Variants in PLPP1 observed in about 807,000 individuals in gnomAD.
PLPP1 encodes the protein phospholipid phosphatase 1.
A neutral mutation model predicts 31.2 loss-of-function variants in PLPP1; 24 were observed. That is an observed-to-expected ratio of 0.77 (90% CI 0.56 to 1.08). The LOEUF (loss-of-function observed/expected upper bound fraction) is 1.08, where lower values mean the gene tolerates loss of function less well. Ranked by LOEUF, PLPP1 falls within the 50% of genes least tolerant of loss-of-function variation. PLPP1 has a pLI of 0.00. For missense variants in PLPP1, 319 were observed against 342.7 expected (o/e 0.93, Z 0.55); for synonymous variants, 146 against 126.3 (o/e 1.16, Z -1.05).
At chr5:55,519,488 C>T (rs1753618691) in intron 1 of PLPP1, among the ~76,000 whole-genome samples, 1 of 152,126 alleles carries the variant, frequency 6.6e-6, no homozygotes, top group Non-Finnish European at 1.5e-5. Context: ...GTGGCTCACA[C>T]CTGTAATCCC....
At chr5:55,456,742 T>C (rs1752022294) in intron 3 of PLPP1, among the ~76,000 whole-genome samples, 1 of 152,260 alleles carries the variant, frequency 6.6e-6, no homozygotes, top group Non-Finnish European at 1.5e-5. Flanking sequence ...TGACTCATTC[T>C]GGAAAGACAG....
chr5:55,492,529 C>T (rs1011053608), intron 1 of PLPP1, among the ~76,000 whole-genome samples: 2 of 152,008 alleles, frequency 1.3e-5, no homozygotes, highest in Admixed American at 1.3e-4. Flanking sequence ...AAAGAAGAGG[C>T]AACTGAGTTG....
chr5:55,505,115 G>C lies in PLPP1; in HGVS notation c.58+29457C>G, dbSNP rs573927096. Among the ~76,000 whole-genome samples, 177 of 152,110 alleles carry C rather than the reference G, an allele frequency of 1.2e-3. 2 individuals are homozygous for C. Among genetic ancestry groups the C allele is most frequent in the African/African-American group, 4.0e-3 (168 of 41,504 alleles). ...TGTGAGCCATCCTCTCTAAATTCTA[G>C]AGAAAGAATTTGGAAGGGCTAAATT... On this transcript the variant is annotated intron_variant, in intron 1 of 5. Transcript: ENST00000307259.
At chr5:55,530,229 A>G (rs1484007471) in intron 1 of PLPP1, 2 of 1,435,824 alleles carry the variant, frequency 1.4e-6, no homozygotes, top group Non-Finnish European at 9.8e-7. Flanking sequence ...AAGATTCACA[A>G]ATTCTCCATA....
intron 3 of PLPP1, among the ~76,000 whole-genome samples, chr5:55,451,146 GCAGTAGCT>G (rs1284269182): frequency 2.6e-5 from 4 of 152,178 alleles, no homozygotes; most frequent in African/African-American, 9.6e-5. Flanking sequence ...CTTAGCTGGT[GCAGTAGCT>G]CACGCCTGTA....
chr5:55,514,282 G>T (rs188668314), intron 1 of PLPP1, among the ~76,000 whole-genome samples: 1 of 151,984 alleles, frequency 6.6e-6, no homozygotes, highest in African/African-American at 2.4e-5. Flanking sequence ...CTACTCAGGA[G>T]GCTGAGGTGG....
chr5:55,426,491 T>A (rs1751199420), intron 4 of PLPP1, among the ~76,000 whole-genome samples: 2 of 151,218 alleles, frequency 1.3e-5, no homozygotes, highest in South Asian at 4.2e-4. Context: ...AGCCTCAAAC[T>A]CCTGGGCTCA....
intron 1 of PLPP1, 125 bp from the exon 2 acceptor site, chr5:55,475,575 T>C (rs770537291): frequency 3.4e-6 from 3 of 872,200 alleles, no homozygotes; most frequent in Non-Finnish European, 3.3e-6. Context: ...AGAGCACATG[T>C]AAAAAAGGAA....
At chr5:55,521,526 C>G (rs1385675300) in intron 1 of PLPP1, among the ~76,000 whole-genome samples, 1 of 151,464 alleles carries the variant, frequency 6.6e-6, no homozygotes, top group East Asian at 1.9e-4. Flanking sequence ...CAAAAAAAAA[C>G]AAAAAACAAA....
At chr5:55,456,531 G>A (rs867688742) in intron 3 of PLPP1, among the ~76,000 whole-genome samples, 1 of 152,160 alleles carries the variant, frequency 6.6e-6, no homozygotes, top group African/African-American at 2.4e-5. Flanking sequence ...TAAGTTAAAA[G>A]AGCAGATTAC....
chr5:55,479,688 T>C (rs1289591478), intron 1 of PLPP1, among the ~76,000 whole-genome samples: 1 of 152,196 alleles, frequency 6.6e-6, no homozygotes, highest in Non-Finnish European at 1.5e-5. Context: ...AAGGCCTCAG[T>C]GATCTTGCTG....
In PLPP1 at chr5:55,425,075, TCCAAGAG is replaced by T; in HGVS notation, c.*124_*130del. The stretch of plus-strand genomic sequence containing the variant: ...TAACTATGTACACACAAAGTGTGCA[TCCAAGAG>T]GCATAGCAGCAGCAGAAGTCTTTAA... On this transcript the variant is annotated 3_prime_UTR_variant, in exon 6 of 6. Coordinates refer to ENST00000307259, the MANE Select transcript of PLPP1 (RefSeq NM_003711.4). 1 of 1,223,542 alleles carries T rather than the reference TCCAAGAG, an allele frequency of 8.2e-7. No homozygotes were observed. The highest frequency in any genetic ancestry group is 2.3e-5 in the East Asian group (1 of 42,794). The allele number at this position is 1,223,542 out of a possible 1,614,324, so 75.8% of individuals were successfully genotyped here. A position where few individuals can be genotyped will look rare whatever the true frequency, so the allele number is the denominator to read the frequency against.
chr5:55,519,360 CA>C (rs1183337630), intron 1 of PLPP1, among the ~76,000 whole-genome samples: 1 of 152,102 alleles, frequency 6.6e-6, no homozygotes, highest in East Asian at 1.9e-4. Context: ...TAGTAAAATA[CA>C]AAAAATGTCA....
chr5:55,425,132 T>A lies in PLPP1; in HGVS notation c.*74A>T. 2.0e-6 allele frequency: 3 copies of A among 1,517,740 alleles called. No individual in the cohort carries two copies. The highest frequency in any genetic ancestry group is 2.7e-6 in the Non-Finnish European group (3 of 1,123,954). 94.0% of individuals were successfully genotyped at this position (1,517,740 alleles called of 1,614,324 possible). On this transcript the variant is annotated 3_prime_UTR_variant, in exon 6 of 6. Coordinates refer to ENST00000307259, the MANE Select transcript of PLPP1 (RefSeq NM_003711.4). ...AAGGCTTGTACACCAGGAAGAAAGATGCATCCTCTTGCCTTGTGGCAATCA... is the reference window on the plus strand; with the variant it reads ...AAGGCTTGTACACCAGGAAGAAAGAAGCATCCTCTTGCCTTGTGGCAATCA...
intron 3 of PLPP1, among the ~76,000 whole-genome samples, chr5:55,464,004 G>C (rs915654956): frequency 1.3e-5 from 2 of 151,052 alleles, no homozygotes; most frequent in Admixed American, 1.3e-4. Flanking sequence ...TAGCTGAATG[G>C]ACAAGAAACA....
chr5:55,464,182 A>C (rs569718445), intron 3 of PLPP1, among the ~76,000 whole-genome samples: 2 of 152,052 alleles, frequency 1.3e-5, no homozygotes, highest in East Asian at 3.9e-4. Context: ...ATATTTGTTC[A>C]AGAAAAAATA....
In PLPP1 at chr5:55,459,231, A is replaced by G. The variant is rs567113449; in HGVS notation, c.491+8638T>C. ...TGATACCAAAAAGGAGCAATACAGC[A>G]GAAAAAAAAAACGACACTTGTAAGT... is the stretch of plus-strand genomic sequence containing the variant. On this transcript the variant is annotated intron_variant, in intron 3 of 5. Coordinates refer to ENST00000307259, the MANE Select transcript of PLPP1 (RefSeq NM_003711.4). Among the ~76,000 whole-genome samples the G allele has an allele frequency of 2.0e-5, 3 of 151,966 alleles. No individual in the cohort carries two copies. The East Asian group carries it at 5.8e-4, about 29-fold the overall frequency.
intron 3 of PLPP1, among the ~76,000 whole-genome samples, chr5:55,455,965 A>G (rs1164315615): frequency 6.6e-6 from 1 of 152,136 alleles, no homozygotes; most frequent in Middle Eastern, 3.2e-3. Flanking sequence ...TTGGCCTGGG[A>G]AGGGAGCTAC....
intron 1 of PLPP1, among the ~76,000 whole-genome samples, chr5:55,525,101 A>G (rs1318493158): frequency 1.3e-5 from 2 of 152,232 alleles, no homozygotes; most frequent in Non-Finnish European, 2.9e-5. Flanking sequence ...TTTCAAAAGC[A>G]TTCCATGAGT....
Sources: gnomAD v4.1 joint callset for allele counts (sites outside exome capture counted in the v4.1 genomes callset) on GRCh38, gnomAD v4.1.1 for gene constraint, MANE v1.5 for transcripts, NCBI Gene and HGNC (gene_info 2026-07-23, HGNC 2026-07-21) for gene names.